The following SNCAIP variants were observed in gnomAD, a reference collection of about 807,000 sequenced individuals.
The protein encoded by SNCAIP is synuclein alpha interacting protein, also known as synphilin-1.
SNCAIP carries 43 observed loss-of-function variants against 86.7 expected under a neutral mutation model. That is an observed-to-expected ratio of 0.50 (90% CI 0.39 to 0.64). The LOEUF is 0.64. Ranked by LOEUF, SNCAIP falls within the 30% of genes least tolerant of loss-of-function variation. The probability of loss-of-function intolerance (pLI) is 0.00; values close to 1 mark genes in which losing one functional copy is unlikely to be tolerated. For missense variants in SNCAIP, 981 were observed against 1,103.1 expected (o/e 0.89, Z 1.57); for synonymous variants, 417 against 427.2 (o/e 0.98, Z 0.29).
chr5:122,332,548 A>G (rs1004249936), intron 1 of SNCAIP, among the ~76,000 whole-genome samples: 2 of 152,240 alleles, frequency 1.3e-5, no homozygotes, highest in Admixed American at 6.5e-5. Flanking sequence ...AATTAAGAGT[A>G]CTGCCATGAA....
rs368173916 is a variant in SNCAIP at position 122,386,369 on chromosome 5, G to A, written c.-46-4720G>A. Reference sequence around the variant, plus strand: ...AAACTTCTATGGAAGGTAGCAGTTGGGCCATCACTGAGGTCACTCTTGAGA... The same window carrying A: ...AAACTTCTATGGAAGGTAGCAGTTGAGCCATCACTGAGGTCACTCTTGAGA... On this transcript the variant is annotated intron_variant, in intron 1 of 10. Transcript: ENST00000261368. Among the ~76,000 whole-genome samples the A allele has an allele frequency of 5.3e-5, 8 of 152,166 alleles. 1 individual carries two copies. Among genetic ancestry groups the A allele is most frequent in the Admixed American group, 2.0e-4 (3 of 15,268 alleles).
At position 122,455,465 on chromosome 5, in the gene SNCAIP, T is replaced by A. The variant is rs76632249; in HGVS notation, c.2754+3864T>A. ...TCCAAATCTTGGCCCCAAAATTTGC[T>A]TGACCACCAAATGGCTCCTCTCAGG... On this transcript the variant is annotated intron_variant, in intron 10 of 10. Coordinates refer to ENST00000261368, the MANE Select transcript of SNCAIP (RefSeq NM_005460.4). Among the ~76,000 whole-genome samples the A allele has an allele frequency of 6.2e-3, 943 of 152,308 alleles. 10 individuals are homozygous for A. Among genetic ancestry groups the A allele is most frequent in the African/African-American group, 0.021 (882 of 41,562 alleles).
intron 1 of SNCAIP, among the ~76,000 whole-genome samples, chr5:122,374,066 G>A (rs1332393923): frequency 6.6e-6 from 1 of 152,088 alleles, no homozygotes; most frequent in Non-Finnish European, 1.5e-5. Context: ...TTTTTCTATG[G>A]GAAAATTTTT....
At chr5:122,354,839 A>G (rs1203188890) in intron 1 of SNCAIP, among the ~76,000 whole-genome samples, 2 of 152,302 alleles carry the variant, frequency 1.3e-5, no homozygotes, top group Admixed American at 6.5e-5. Context: ...CCTTTGGAGT[A>G]TATGAGCCAT....
intron 4 of SNCAIP, 70 bp from the exon 5 acceptor site, chr5:122,425,282 A>G (rs1777130789): frequency 1.6e-6 from 2 of 1,215,712 alleles, no homozygotes; most frequent in South Asian, 1.2e-5. Flanking sequence ...TCCAGTGCCC[A>G]GAGAAAAACT....
At chr5:122,385,700 T>TGTGC (rs929256086) in intron 1 of SNCAIP, among the ~76,000 whole-genome samples, 3 of 151,986 alleles carry the variant, frequency 2.0e-5, no homozygotes, top group African/African-American at 7.2e-5. Context: ...TGTGTGTGTG[T>TGTGC]GTGTGTGTGT....
chr5:122,444,521 T>C lies in SNCAIP; in HGVS notation c.1423-42T>C, dbSNP rs779302214. ...GTTACAGTCATTAAAAAATAATGTG[T>C]ACAGAGATGTCCTGATACACATGTC... On this transcript the variant is annotated intron_variant, in intron 7 of 10. Transcript: ENST00000261368. The C allele has an allele frequency of 1.8e-5, 28 of 1,569,402 alleles. No individual in the cohort carries two copies. In the South Asian group the frequency reaches 3.0e-4, roughly 17 times the overall value.
At chr5:122,436,004 T>A (rs929827126) in intron 6 of SNCAIP, among the ~76,000 whole-genome samples, 6 of 152,060 alleles carry the variant, frequency 3.9e-5, no homozygotes, top group African/African-American at 1.4e-4. Context: ...TTAACTGTGA[T>A]TTCTTTGACT....
At chr5:122,451,990 T>C (rs1783792252) in intron 10 of SNCAIP, among the ~76,000 whole-genome samples, 2 of 152,216 alleles carry the variant, frequency 1.3e-5, no homozygotes, top group Non-Finnish European at 1.5e-5. Context: ...GAGTTTGTTC[T>C]CTTCATGTGA....
intron 1 of SNCAIP, among the ~76,000 whole-genome samples, chr5:122,387,682 C>T (rs1365796321): frequency 6.6e-6 from 1 of 152,164 alleles, no homozygotes; most frequent in African/African-American, 2.4e-5. Flanking sequence ...TGTAAATCCA[C>T]ACCAATCACA....
chr5:122,359,520 C>T (rs140673888), intron 1 of SNCAIP, among the ~76,000 whole-genome samples: 1,649 of 151,880 alleles, frequency 0.011, 24 homozygotes, highest in African/African-American at 0.038. Context: ...CGTGCCACCA[C>T]GCCTGGCAAA....
chr5:122,370,212 A>G (rs75817693), intron 1 of SNCAIP, among the ~76,000 whole-genome samples: 2 of 152,086 alleles, frequency 1.3e-5, no homozygotes, highest in African/African-American at 4.8e-5. Flanking sequence ...CAACAAAAAA[A>G]TCTGTATGCT....
intron 6 of SNCAIP, among the ~76,000 whole-genome samples, 197 bp downstream of exon 6, chr5:122,432,279 G>C (rs1778565609): frequency 6.6e-6 from 1 of 152,060 alleles, no homozygotes; most frequent in Admixed American, 6.6e-5. Context: ...TCCCATGACA[G>C]ATATTGGATA....
At chr5:122,352,336 T>G (rs1347515737) in intron 1 of SNCAIP, among the ~76,000 whole-genome samples, 1 of 152,256 alleles carries the variant, frequency 6.6e-6, no homozygotes, top group Non-Finnish European at 1.5e-5. Flanking sequence ...TGACAGCTTT[T>G]CTTATATTAT....
At chr5:122,379,031 T>C (rs1766042597) in intron 1 of SNCAIP, among the ~76,000 whole-genome samples, 1 of 107,834 alleles carries the variant, frequency 9.3e-6, no homozygotes, top group African/African-American at 3.8e-5. Context: ...GGCTCTTTTT[T>C]GGTTCCATAT....
At chr5:122,371,230 C>T (rs1764197357) in intron 1 of SNCAIP, 2 of 151,782 alleles carry the variant, frequency 1.3e-5, no homozygotes, top group South Asian at 4.2e-4. Flanking sequence ...TCACTTGAGC[C>T]CAGGAATTCA....
intron 1 of SNCAIP, among the ~76,000 whole-genome samples, chr5:122,378,058 A>C (rs995024448): frequency 6.8e-6 from 1 of 147,898 alleles, no homozygotes; most frequent in Admixed American, 6.7e-5. Flanking sequence ...TATACCCAGT[A>C]ATGGGATGGC....
At chr5:122,339,508 GA>G (rs150126495) in intron 1 of SNCAIP, among the ~76,000 whole-genome samples, 2,091 of 152,270 alleles carry the variant, frequency 0.014, 48 homozygotes, top group African/African-American at 0.048. Context: ...GCCAAAGGGG[GA>G]GAGGCAGTTG....
At chr5:122,386,805 C>G in intron 1 of SNCAIP, among the ~76,000 whole-genome samples, 1 of 149,210 alleles carries the variant, frequency 6.7e-6, no homozygotes, top group East Asian at 2.0e-4. Context: ...CCTGGCATCT[C>G]ATCTCTCCCC....
Sources: allele counts gnomAD v4.1 joint callset (sites outside exome capture counted in the v4.1 genomes callset), GRCh38; gene constraint gnomAD v4.1.1; transcripts MANE v1.5; gene names NCBI Gene and HGNC (gene_info 2026-07-23, HGNC 2026-07-21).